FRMPD1: variants seen among roughly 807,000 people sequenced by gnomAD.
The protein encoded by FRMPD1 is FERM and PDZ domain containing 1.
A neutral mutation model predicts 117.8 loss-of-function variants in FRMPD1; 76 were observed. The observed-to-expected ratio is 0.65, with a 90% CI of 0.54 to 0.78. FRMPD1 has a LOEUF of 0.78. Among genes scored for constraint, FRMPD1 ranks in the 30% least tolerant of loss-of-function variants. The pLI is 0.00. For synonymous variants in FRMPD1, 783 were observed against 770.4 expected, an observed-to-expected ratio of 1.02 and a Z score of -0.27; for missense variants, 1,786 against 1,964.5, an observed-to-expected ratio of 0.91 and a Z score of 1.72.
chr9:37,744,633 C>T lies in FRMPD1; in HGVS notation c.2601C>T (p.Cys867=). ...CCCTGGAGAGTGTAGACGACGTGTGCTACTATGACAGGGAGCCCTACCTGG... is the reference window on the plus strand; with the variant it reads ...CCCTGGAGAGTGTAGACGACGTGTGTTACTATGACAGGGAGCCCTACCTGG... ...SASLESVDDV[C]YYDREPYLAL... Residue 867 remains cysteine, a synonymous_variant, in exon 16 of 16, where the codon TGC becomes TGT. Coordinates refer to ENST00000377765, the MANE Select transcript of FRMPD1 (RefSeq NM_014907.3). 1 of 1,613,784 alleles carries T rather than the reference C, an allele frequency of 6.2e-7. No individual in the cohort carries two copies. Among genetic ancestry groups the T allele is most frequent in the Middle Eastern group, 1.6e-4 (1 of 6,062 alleles).
At chr9:37,676,688 A>G (rs966261600) in intron 1 of FRMPD1, among the ~76,000 whole-genome samples, 1 of 152,120 alleles carries the variant, frequency 6.6e-6, no homozygotes, top group Non-Finnish European at 1.5e-5. Context: ...GAACCCTTGC[A>G]TAGGGTTCTG....
upstream of FRMPD1, among the ~76,000 whole-genome samples, chr9:37,648,370 C>G (rs2381718): frequency 0.6 from 90,833 of 151,926 alleles, 28,265 homozygotes; most frequent in African/African-American, 0.77. Flanking sequence ...TGGCGCCACA[C>G]GGGTAATAGG....
In FRMPD1 at chr9:37,735,691, C is replaced by G; in HGVS notation, c.1358C>G (p.Ser453Cys). 1 of 1,613,756 alleles carries G rather than the reference C, an allele frequency of 6.2e-7. No individual in the cohort carries two copies. Among genetic ancestry groups the G allele is most frequent in the Non-Finnish European group, 8.5e-7 (1 of 1,179,854 alleles). Residue 453 changes from serine (S) to cysteine (C), a missense_variant, in exon 13 of 16, where the codon TCT (serine) becomes TGT (cysteine). Physicochemically the swap from Ser to Cys is moderately radical, Grantham distance 112. Transcript: ENST00000377765. Reference protein sequence around the residue: ...NISRVELTEESEKVSVVKVYL... With the variant: ...NISRVELTEECEKVSVVKVYL... The stretch of plus-strand genomic sequence containing the variant: ...AGCCGTGTAGAGCTAACGGAAGAGT[C>G]TGAGAAAGTGAGCGTCGTCAAAGTG...
chr9:37,662,452 G>A (rs971616588), intron 1 of FRMPD1, among the ~76,000 whole-genome samples: 2 of 152,188 alleles, frequency 1.3e-5, no homozygotes, highest in African/African-American at 4.8e-5. Flanking sequence ...TACAGTCCTT[G>A]GCCTTACAGA....
rs1279596448 is a variant in FRMPD1, at chr9:37,707,518, C to T, written c.204C>T (p.Asp68=). The change falls in exon 3 of 16, where the codon GAC becomes GAT. Residue 68 remains aspartate (D), a synonymous_variant. Transcript: ENST00000377765. ...TAGACAAAGACACCCTCCTCCAGGA[C>T]TATGGATTTCACATTTCTGAGAGCC... ...VKIDKDTLLQ[D]YGFHISESLP... 6.2e-7 allele frequency: 1 copy of T among 1,613,928 alleles called. No homozygotes were observed. Among genetic ancestry groups the T allele is most frequent in the Admixed American group, 1.7e-5 (1 of 60,036 alleles).
In FRMPD1 at chr9:37,737,167, G is replaced by A; in HGVS notation, c.1473G>A (p.Leu491=). The A allele has an allele frequency of 1.2e-6, 2 of 1,613,554 alleles. No homozygotes were observed. Among genetic ancestry groups the A allele is most frequent in the Admixed American group, 3.3e-5 (2 of 60,020 alleles). The change falls in exon 14 of 16, where the codon CTG becomes CTA. Residue 491 remains leucine, a synonymous_variant. Coordinates refer to ENST00000377765, the MANE Select transcript of FRMPD1 (RefSeq NM_014907.3). The part of the protein sequence containing the change: ...LACLIAGYYR[L]LVDPVTSIFL... ...GCCTGATTGCTGGGTACTACAGGCTGTTGGTTGACCCAGTTACCTCCATTT... is the reference window on the plus strand; with the variant it reads ...GCCTGATTGCTGGGTACTACAGGCTATTGGTTGACCCAGTTACCTCCATTT...
intron 4 of FRMPD1, 67 bp from the exon 5 acceptor site, chr9:37,711,283 A>G (rs894187496): frequency 8.3e-6 from 8 of 966,994 alleles, no homozygotes; most frequent in South Asian, 2.6e-5. Context: ...TCACACATGT[A>G]TGCATGCACG....
intron 2 of FRMPD1, among the ~76,000 whole-genome samples, chr9:37,706,344 G>GA (rs1463307800): frequency 6.6e-6 from 1 of 152,184 alleles, no homozygotes; most frequent in Admixed American, 6.5e-5. Context: ...ATGAGAGGGA[G>GA]ATGATTTTCA....
chr9:37,737,048 C>G (rs759805295), intron 13 of FRMPD1, 48 bp from the exon 14 acceptor site: 1 of 1,497,650 alleles, frequency 6.7e-7, no homozygotes, highest in Admixed American at 1.7e-5. Flanking sequence ...AGTCTTCAGA[C>G]TGTCCCTTGG....
At chr9:37,723,770 A>G (rs1343139245) in intron 6 of FRMPD1, among the ~76,000 whole-genome samples, 1 of 151,924 alleles carries the variant, frequency 6.6e-6, no homozygotes, top group Non-Finnish European at 1.5e-5. Context: ...AGGCGGGTGG[A>G]TCACCTGAGG....
the FRMPD1 span, among the ~76,000 whole-genome samples, chr9:37,604,062 C>T: frequency 6.6e-5 from 10 of 152,160 alleles, no homozygotes; most frequent in Non-Finnish European, 1.3e-4. Flanking sequence ...CCACCTGGAA[C>T]TTGGCTGGGG....
In FRMPD1 at chr9:37,719,077, T is replaced by C; in HGVS notation, c.417T>C (p.Pro139=). ...ATGTTACTGTTTTTCAGGGAGTCCC[T>C]AAATCGTCCTTCCTGACCGAGGAGA... ...ITVVRCTSGV[P]KSSFLTEEKR... Residue 139 remains proline, a synonymous_variant, in exon 6 of 16, where the codon CCT becomes CCC. Coordinates refer to ENST00000377765, the MANE Select transcript of FRMPD1 (RefSeq NM_014907.3). 6.2e-7 allele frequency: 1 copy of C among 1,604,902 alleles called. No homozygotes were observed. Among genetic ancestry groups the C allele is most frequent in the Non-Finnish European group, 8.5e-7 (1 of 1,171,632 alleles).
chr9:37,636,022 G>A, the FRMPD1 span, among the ~76,000 whole-genome samples: 1 of 152,226 alleles, frequency 6.6e-6, no homozygotes, highest in Non-Finnish European at 1.5e-5. Context: ...GCAGGGCAGA[G>A]GGCGGCAGGA....
chr9:37,681,053 A>G (rs1234636215), intron 1 of FRMPD1, among the ~76,000 whole-genome samples: 4 of 152,118 alleles, frequency 2.6e-5, no homozygotes, highest in Non-Finnish European at 5.9e-5. Context: ...TCTACTAAAA[A>G]TATAAGAAAA....
chr9:37,644,892 G>C, the FRMPD1 span, among the ~76,000 whole-genome samples: 4 of 152,218 alleles, frequency 2.6e-5, no homozygotes, highest in African/African-American at 9.6e-5. Context: ...AATAGTGCTA[G>C]AGAGGGTGGC....
the FRMPD1 span, among the ~76,000 whole-genome samples, chr9:37,623,214 A>G: frequency 3.0e-3 from 453 of 152,330 alleles, 3 homozygotes; most frequent in African/African-American, 0.01. Context: ...AGACCACTCT[A>G]TGCTGTGTCC....
rs1824356682 is a variant in FRMPD1 at position 37,740,657 on chromosome 9, G to T, written c.2129G>T (p.Cys710Phe). Residue 710 changes from cysteine (C) to phenylalanine (F), a missense_variant, in exon 15 of 16, where the codon TGT becomes TTT. Cys to Phe is a radical substitution (Grantham distance 205). Transcript: ENST00000377765. This position sits in a 1 kb window ranked among gnomAD's most constrained non-coding sequence, Gnocchi z 4.2. Reference sequence around the variant, plus strand: ...AGCCACGCTGACTACTACAGCCTGTGTTCCAGTGTCTCCCCGGCCAGCTAC... The same window carrying T: ...AGCCACGCTGACTACTACAGCCTGTTTTCCAGTGTCTCCCCGGCCAGCTAC... ...EGSHADYYSL[C>F]SSVSPASYLS... is the part of the protein sequence containing the mutation. 6.2e-7 allele frequency: 1 copy of T among 1,614,206 alleles called. No homozygotes were observed.
chr9:37,638,042 CT>C, the FRMPD1 span, among the ~76,000 whole-genome samples: 1 of 138,032 alleles, frequency 7.2e-6, no homozygotes, highest in Non-Finnish European at 1.5e-5. Flanking sequence ...TTCTTCCTTT[CT>C]TTCTTTCCTT....
intron 1 of FRMPD1, among the ~76,000 whole-genome samples, chr9:37,675,862 C>T (rs1477447982): frequency 6.6e-6 from 1 of 152,198 alleles, no homozygotes; most frequent in Non-Finnish European, 1.5e-5. Flanking sequence ...TGTGCACCTG[C>T]TGCTGCTCGA....
Sources: gnomAD v4.1 joint callset for allele counts (sites outside exome capture counted in the v4.1 genomes callset) on GRCh38, gnomAD v4.1.1 for gene constraint, Gnocchi (gnomAD v3.1) non-coding constraint, MANE v1.5 for transcripts, NCBI Gene and HGNC (gene_info 2026-07-23, HGNC 2026-07-21) for gene names.